CSGALNACT1: variants seen among roughly 807,000 people sequenced by gnomAD.
The protein encoded by CSGALNACT1 is beta4GalNAcT-1.
Under a neutral mutation model 51.0 loss-of-function variants are expected in CSGALNACT1, and 52 were observed. That is an observed-to-expected ratio of 1.02 (90% CI 0.82 to 1.29). The LOEUF (loss-of-function observed/expected upper bound fraction) is 1.29, where lower values mean the gene tolerates loss of function less well. Ranked by LOEUF, CSGALNACT1 falls within the 50% of genes most tolerant of loss-of-function variation. The probability of loss-of-function intolerance (pLI) is 0.00; values close to 1 mark genes in which losing one functional copy is unlikely to be tolerated. For missense variants in CSGALNACT1, 935 were observed against 679.2 expected (o/e 1.38, Z -4.19); for synonymous variants, 341 against 254.4 (o/e 1.34, Z -3.24).
intron 1 of CSGALNACT1, among the ~76,000 whole-genome samples, chr8:19,648,359 G>C (rs1306886978): frequency 1.3e-5 from 2 of 152,202 alleles, no homozygotes; most frequent in East Asian, 1.9e-4. Context: ...CTGCTGGAAG[G>C]AGTGTATCAT....
intron 1 of CSGALNACT1, among the ~76,000 whole-genome samples, chr8:19,677,184 C>T (rs2060256472): frequency 6.6e-6 from 1 of 152,140 alleles, no homozygotes; most frequent in Non-Finnish European, 1.5e-5. Context: ...TCTCTACTCA[C>T]TGCAGCCTTG....
chr8:19,468,218 G>C (rs931663625), intron 4 of CSGALNACT1, among the ~76,000 whole-genome samples: 3 of 152,084 alleles, frequency 2.0e-5, no homozygotes, highest in Non-Finnish European at 4.4e-5. Context: ...TGTTGGCCAA[G>C]ACAACAACAT....
At position 19,422,486 on chromosome 8, in the gene CSGALNACT1, ACT is replaced by A. The variant is rs201789703; in HGVS notation, c.954-1970_954-1969del. Among the ~76,000 whole-genome samples, 496 of 151,844 alleles carry A rather than the reference ACT, an allele frequency of 3.3e-3. 2 individuals are homozygous for A. The highest frequency in any genetic ancestry group is 0.011 in the African/African-American group (455 of 41,398). The stretch of plus-strand genomic sequence containing the variant: ...GCATGAGATACCACACCTGGACAAG[ACT>A]CTATTTTTCCTATGATCCTGCATTC... On this transcript the variant is annotated intron_variant, in intron 6 of 9. Coordinates refer to ENST00000454498, the Ensembl canonical transcript of CSGALNACT1.
intron 1 of CSGALNACT1, among the ~76,000 whole-genome samples, chr8:19,649,845 A>AAAAAAAAAAAAAAAAAAG (rs1564347663): frequency 1.4e-5 from 2 of 143,510 alleles, no homozygotes; most frequent in Non-Finnish European, 1.5e-5. Context: ...AAAAAAAAAA[A>AAAAAAAAAAAAAAAAAAG]CCACGGGGGG....
chr8:19,440,043 CT>C, intron 5 of CSGALNACT1, 112 bp from the exon 5 acceptor site: 1 of 850,348 alleles, frequency 1.2e-6, no homozygotes, highest in South Asian at 1.4e-5. Context: ...ACTAGGTAAA[CT>C]TCCAGGAGAG....
intron 1 of CSGALNACT1, among the ~76,000 whole-genome samples, chr8:19,647,504 C>T (rs981287888): frequency 6.6e-6 from 1 of 152,210 alleles, no homozygotes; most frequent in Non-Finnish European, 1.5e-5. Context: ...TCTTTCAATT[C>T]CTCAGCTCAT....
At chr8:19,696,803 C>G (rs546952904) in intron 1 of CSGALNACT1, among the ~76,000 whole-genome samples, 1 of 152,266 alleles carries the variant, frequency 6.6e-6, no homozygotes, top group East Asian at 1.9e-4. Context: ...CACACAGTGT[C>G]GACTGTTCTC....
At chr8:19,513,415 A>T (rs4922051) in intron 3 of CSGALNACT1, among the ~76,000 whole-genome samples, 57,237 of 110,812 alleles carry the variant, frequency 0.52, 15,795 homozygotes, top group East Asian at 0.78. Context: ...TCTCTCTCTC[A>T]CTCTCTCTCT....
rs539761113 is a variant in CSGALNACT1, at chr8:19,430,448, G to A, written c.953+9382C>T. 1.1e-4 allele frequency among the ~76,000 whole-genome samples: 17 copies of A among 152,256 alleles called. 2 individuals are homozygous for A. The South Asian group carries it at 3.3e-3, about 30-fold the overall frequency. ...TGCACATGAATATCCAGTCATCCCA[G>A]AACCGTTCTTAAAAAGATGATTCTT... On this transcript the variant is annotated intron_variant, in intron 6 of 9. Transcript: ENST00000454498.
intron 3 of CSGALNACT1, among the ~76,000 whole-genome samples, chr8:19,513,651 G>A (rs958348386): frequency 1.2e-4 from 19 of 152,028 alleles, no homozygotes; most frequent in African/African-American, 4.1e-4. Context: ...GTTGTTGTGT[G>A]AAGATCATGG....
At chr8:19,625,045 G>T (rs1200801623) in intron 1 of CSGALNACT1, among the ~76,000 whole-genome samples, 2 of 152,172 alleles carry the variant, frequency 1.3e-5, no homozygotes, top group African/African-American at 4.8e-5. Flanking sequence ...AGGAACAAAA[G>T]ATAAGCCTAA....
chr8:19,727,342 G>A (rs961176840), intron 1 of CSGALNACT1, among the ~76,000 whole-genome samples: 7 of 151,934 alleles, frequency 4.6e-5, no homozygotes, highest in Non-Finnish European at 1.0e-4. Flanking sequence ...GTTTGGTTTG[G>A]TTTGGTTTGG....
At position 19,461,772 on chromosome 8, in the gene CSGALNACT1, G is replaced by C. The variant is rs796904453; in HGVS notation, c.635-3130C>G. On this transcript the variant is annotated intron_variant, in intron 4 of 9. Transcript: ENST00000454498. ...CACATTCACCATGGAGGGCGTATCT[G>C]CACAGCAGCCACATTCACCATGGAG... is the stretch of plus-strand genomic sequence containing the variant. Among the ~76,000 whole-genome samples, 139 of 50,414 alleles carry C rather than the reference G, an allele frequency of 2.8e-3. 17 individuals carry two copies. Among genetic ancestry groups the C allele is most frequent in the Admixed American group, 5.6e-3 (17 of 3,058 alleles). The allele number at this position is 50,414 out of a possible 152,430, so 33.1% of individuals were successfully genotyped here.
chr8:19,625,032 C>A lies in CSGALNACT1; in HGVS notation c.-543-23167G>T, dbSNP rs147714706. On this transcript the variant is annotated intron_variant, in intron 1 of 9. Transcript: ENST00000332246. ...CCTGCTATCACCCAGCTAGTAGATG[C>A]AGAGGAACAAAAGATAAGCCTAATC... is the stretch of plus-strand genomic sequence containing the variant. Among the ~76,000 whole-genome samples the A allele has an allele frequency of 2.6e-5, 4 of 152,292 alleles. No individual in the cohort carries two copies. The East Asian group carries it at 7.7e-4, about 29-fold the overall frequency.
intron 1 of CSGALNACT1, among the ~76,000 whole-genome samples, chr8:19,690,737 G>A (rs1005356794): frequency 6.6e-6 from 1 of 152,192 alleles, no homozygotes; most frequent in African/African-American, 2.4e-5. Flanking sequence ...CGCATGGAAG[G>A]AGGGGGTGTG....
At chr8:19,574,260 G>T (rs1178022529) in intron 3 of CSGALNACT1, among the ~76,000 whole-genome samples, 3 of 152,138 alleles carry the variant, frequency 2.0e-5, no homozygotes, top group Non-Finnish European at 2.9e-5. Flanking sequence ...GCTCTACTGG[G>T]GACTTGGAGA....
chr8:19,420,984 G>C (rs1439955675), intron 6 of CSGALNACT1, among the ~76,000 whole-genome samples: 1 of 152,190 alleles, frequency 6.6e-6, no homozygotes, highest in Non-Finnish European at 1.5e-5. Flanking sequence ...TTCTTGATGT[G>C]AATCTTTCCT....
At chr8:19,750,803 T>C (rs1589822506) in intron 1 of CSGALNACT1, among the ~76,000 whole-genome samples, 2 of 152,304 alleles carry the variant, frequency 1.3e-5, no homozygotes, top group Non-Finnish European at 1.5e-5. Flanking sequence ...GATAGATGAA[T>C]GCATGAATGG....
chr8:19,485,950 A>G (rs10091175), intron 4 of CSGALNACT1, among the ~76,000 whole-genome samples: 151,536 of 151,536 alleles, frequency 1, 75,768 homozygotes, highest in Non-Finnish European at 1. Flanking sequence ...ATTTTTAGTA[A>G]AGACAGGGTT....
Sources: gnomAD v4.1 joint callset for allele counts (sites outside exome capture counted in the v4.1 genomes callset) on GRCh38, gnomAD v4.1.1 for gene constraint, MANE v1.5 for transcripts, NCBI Gene and HGNC (gene_info 2026-07-23, HGNC 2026-07-21) for gene names.